The following WNT3 variants were observed in gnomAD, a reference collection of about 807,000 sequenced individuals.
The protein encoded by WNT3 is proto-oncogene Wnt-3.
Under a neutral mutation model 34.2 loss-of-function variants are expected in WNT3, and 7 were observed. That is an observed-to-expected ratio of 0.20 (90% CI 0.12 to 0.38). The LOEUF is 0.38. WNT3 is among the 10% of genes least tolerant of loss of function. WNT3 has a pLI of 1.00. For missense variants in WNT3, 267 were observed against 499.8 expected (o/e 0.53, Z 4.44); for synonymous variants, 212 against 211.5 (o/e 1.00, Z -0.02).
At chr17:46,789,256 T>C (rs1020943588) in intron 1 of WNT3, among the ~76,000 whole-genome samples, 1 of 152,172 alleles carries the variant, frequency 6.6e-6, no homozygotes, top group Non-Finnish European at 1.5e-5. Flanking sequence ...GGCTGGCACC[T>C]ACCTGGACTG....
At chr17:46,802,550 G>A (rs955473135) in intron 1 of WNT3, among the ~76,000 whole-genome samples, 2 of 152,174 alleles carry the variant, frequency 1.3e-5, no homozygotes, top group African/African-American at 4.8e-5. Flanking sequence ...TTACAGGTGT[G>A]AGCCACCGTG....
chr17:46,771,532 G>C (rs865815168), intron 2 of WNT3, among the ~76,000 whole-genome samples: 20 of 148,870 alleles, frequency 1.3e-4, no homozygotes, highest in Non-Finnish European at 2.8e-4. Flanking sequence ...GCCTGGGAGC[G>C]GCGCTGACAG....
intron 4 of WNT3, among the ~76,000 whole-genome samples, chr17:46,766,587 C>T (rs2059315275): frequency 6.6e-6 from 1 of 152,128 alleles, no homozygotes; most frequent in East Asian, 1.9e-4. Context: ...CCACCTGCTG[C>T]CTTTCTGGAC....
At chr17:46,809,992 T>TTTTC (rs1182534308) in intron 1 of WNT3, among the ~76,000 whole-genome samples, 19 of 149,614 alleles carry the variant, frequency 1.3e-4, no homozygotes, top group African/African-American at 3.2e-4. Context: ...TCCTCTCCTC[T>TTTTC]TTTCTTTCTT....
At chr17:46,814,389 G>T (rs959217749) in intron 1 of WNT3, among the ~76,000 whole-genome samples, 12 of 152,194 alleles carry the variant, frequency 7.9e-5, no homozygotes, top group African/African-American at 2.9e-4. Flanking sequence ...AATACCAACA[G>T]ATCGGCCACC....
chr17:46,792,141 G>A (rs1168072486), intron 1 of WNT3, among the ~76,000 whole-genome samples: 5 of 152,174 alleles, frequency 3.3e-5, no homozygotes, highest in African/African-American at 9.7e-5. Flanking sequence ...ATGTGTGTTC[G>A]ACACAAAAGG....
chr17:46,807,348 G>C (rs1332866545), intron 1 of WNT3, among the ~76,000 whole-genome samples: 1 of 152,200 alleles, frequency 6.6e-6, no homozygotes, highest in African/African-American at 2.4e-5. Context: ...TGGGTGTGGT[G>C]GCGCATGCCT....
At chr17:46,786,941 CTTTTTTTT>C (rs566280448) in intron 1 of WNT3, among the ~76,000 whole-genome samples, 1 of 142,650 alleles carries the variant, frequency 7.0e-6, no homozygotes, top group African/African-American at 2.6e-5. Context: ...TTTCTTTTTT[CTTTTTTTT>C]TTTTTTGAGA....
chr17:46,781,310 C>T (rs1330992123), intron 1 of WNT3, among the ~76,000 whole-genome samples: 3 of 151,578 alleles, frequency 2.0e-5, no homozygotes, highest in Non-Finnish European at 2.9e-5. Context: ...ACAAGCTAAG[C>T]GACAGAAGCC....
chr17:46,779,103 A>ACACACACACACACACAC lies in WNT3; in HGVS notation c.81-5195_81-5194insGTGTGTGTGTGTGTGTG, dbSNP rs749719578. 8.2e-4 allele frequency among the ~76,000 whole-genome samples: 109 copies of ACACACACACACACACAC among 133,640 alleles called. 1 individual carries two copies. Among genetic ancestry groups the ACACACACACACACACAC allele is most frequent in the African/African-American group, 2.9e-3 (104 of 36,366 alleles). The allele number at this position is 133,640 out of a possible 152,430, so 87.7% of individuals were successfully genotyped here. On this transcript the variant is annotated intron_variant, in intron 1 of 4. Transcript: ENST00000225512. The stretch of plus-strand genomic sequence containing the variant: ...CACACACACACACACACACACACAC[A>ACACACACACACACACAC]CCCCAGCCCACTCGGCCTTCCAAAG...
intron 1 of WNT3, among the ~76,000 whole-genome samples, chr17:46,814,979 G>A (rs1388759621): frequency 6.6e-6 from 1 of 152,192 alleles, no homozygotes; most frequent in Non-Finnish European, 1.5e-5. Flanking sequence ...CACCCAAGCT[G>A]TGAGGCAGGG....
At chr17:46,800,311 G>A (rs1201917840) in intron 1 of WNT3, among the ~76,000 whole-genome samples, 1 of 151,936 alleles carries the variant, frequency 6.6e-6, no homozygotes, top group African/African-American at 2.4e-5. Context: ...GGGTTTCACC[G>A]TGTTGGTCAG....
At chr17:46,785,889 G>C (rs1255399791) in intron 1 of WNT3, among the ~76,000 whole-genome samples, 3 of 152,182 alleles carry the variant, frequency 2.0e-5, no homozygotes, top group Non-Finnish European at 2.9e-5. Flanking sequence ...GCCTGGGCTG[G>C]AATGTTGCAG....
In WNT3 at chr17:46,770,005, G is replaced by A. The variant is rs2073375946; in HGVS notation, c.366C>T (p.Gly122=). ...SAFVHAIASA[G]VAFAVTRSCA... is the part of the protein sequence containing the mutation. ...AGGAGCGGGTGACGGCGAAGGCCAC[G>A]CCGGCCGAGGCGATGGCGTGAACGA... The change falls in exon 3 of 5, where the codon GGC becomes GGT. Residue 122 remains glycine (G), a synonymous_variant. Coordinates refer to ENST00000225512, the MANE Select transcript of WNT3 (RefSeq NM_030753.5). The A allele has an allele frequency of 6.3e-7, 1 of 1,591,600 alleles. No homozygotes were observed. The highest frequency in any genetic ancestry group is 1.3e-5 in the African/African-American group (1 of 74,592).
At chr17:46,792,317 G>A (rs781078915) in intron 1 of WNT3, among the ~76,000 whole-genome samples, 2 of 152,070 alleles carry the variant, frequency 1.3e-5, no homozygotes, top group Non-Finnish European at 1.5e-5. Context: ...AATAAAGAAC[G>A]CTTTTACAGG....
intron 1 of WNT3, among the ~76,000 whole-genome samples, chr17:46,774,536 C>T (rs778726089): frequency 4.6e-5 from 7 of 152,254 alleles, no homozygotes; most frequent in African/African-American, 1.4e-4. Flanking sequence ...TAGAGCTCCA[C>T]CTCTTTTCTC....
At chr17:46,787,871 G>A (rs370221237) in intron 1 of WNT3, among the ~76,000 whole-genome samples, 9 of 151,618 alleles carry the variant, frequency 5.9e-5, no homozygotes, top group Non-Finnish European at 7.4e-5. Context: ...CAGGAGAATC[G>A]CTTGAACCTG....
rs1226625742 is a variant in WNT3 at position 46,779,101 on chromosome 17, A to ACCCCC, written c.81-5193_81-5192insGGGGG. ...CACACACACACACACACACACACAC[A>ACCCCC]CACCCCAGCCCACTCGGCCTTCCAA... On this transcript the variant is annotated intron_variant, in intron 1 of 4. Transcript: ENST00000225512. Among the ~76,000 whole-genome samples, 27 of 140,058 alleles carry ACCCCC rather than the reference A, an allele frequency of 1.9e-4. 1 individual carries two copies. The highest frequency in any genetic ancestry group is 1.5e-3 in the Admixed American group (19 of 12,742). The allele number at this position is 140,058 out of a possible 152,430, so 91.9% of individuals were successfully genotyped here.
intron 1 of WNT3, among the ~76,000 whole-genome samples, chr17:46,801,492 C>T (rs996088635): frequency 8.9e-5 from 11 of 123,694 alleles, no homozygotes; most frequent in African/African-American, 3.4e-4. Flanking sequence ...TGGTGGCAGG[C>T]GCCTGTAATC....
Sources: allele counts gnomAD v4.1 joint callset (sites outside exome capture counted in the v4.1 genomes callset), GRCh38; gene constraint gnomAD v4.1.1; transcripts MANE v1.5; gene names NCBI Gene and HGNC (gene_info 2026-07-23, HGNC 2026-07-21).